PPFIA2: variants seen among roughly 807,000 people sequenced by gnomAD.
PPFIA2 encodes the protein PPFI scaffold protein A2, also known as liprin-alpha-2.
A neutral mutation model predicts 175.5 loss-of-function variants in PPFIA2; 46 were observed. The ratio of observed to expected loss-of-function variants is 0.26; its 90% CI spans 0.21 to 0.34. The LOEUF (loss-of-function observed/expected upper bound fraction) is 0.34. Among genes scored for constraint, PPFIA2 ranks in the 10% least tolerant of loss-of-function variants. The pLI, the probability that PPFIA2 is intolerant of heterozygous loss-of-function variation, is 1.00. For synonymous variants in PPFIA2, 568 were observed against 511.4 expected, an observed-to-expected ratio of 1.11 and a Z score of -1.49; for missense variants, 1,179 against 1,506.1, an observed-to-expected ratio of 0.78 and a Z score of 3.60.
intron 4 of PPFIA2, among the ~76,000 whole-genome samples, chr12:81,648,619 T>G (rs1418469538): frequency 6.6e-6 from 1 of 151,998 alleles, no homozygotes. Flanking sequence ...TGCAGGGTTT[T>G]TTCTTTTTTT....
chr12:81,613,283 G>A (rs928297262), intron 4 of PPFIA2, among the ~76,000 whole-genome samples: 11 of 152,016 alleles, frequency 7.2e-5, no homozygotes, highest in African/African-American at 2.4e-4. Flanking sequence ...TTAAAACCAT[G>A]ACTTTTATAA....
chr12:81,694,705 G>A (rs1489312427), intron 3 of PPFIA2, among the ~76,000 whole-genome samples: 2 of 152,292 alleles, frequency 1.3e-5, no homozygotes, highest in East Asian at 3.9e-4. Context: ...GTGAAGCTAT[G>A]AGAGAGAGGC....
chr12:81,300,995 A>G (rs1196431717), intron 22 of PPFIA2, among the ~76,000 whole-genome samples: 2 of 152,178 alleles, frequency 1.3e-5, no homozygotes, highest in African/African-American at 4.8e-5. Context: ...ATACAATATA[A>G]TACAATACAT....
chr12:81,611,559 C>T (rs113878305), intron 4 of PPFIA2, among the ~76,000 whole-genome samples: 2 of 152,090 alleles, frequency 1.3e-5, no homozygotes, highest in South Asian at 4.1e-4. Context: ...GTGGGGTGCA[C>T]CCACTCCTGC....
At chr12:81,560,755 G>T (rs532539297) in intron 4 of PPFIA2, among the ~76,000 whole-genome samples, 1 of 152,238 alleles carries the variant, frequency 6.6e-6, no homozygotes, top group African/African-American at 2.4e-5. Context: ...GAATCGCAGA[G>T]ATGTAAGTCT....
At chr12:81,342,901 T>C (rs1343174891) in intron 19 of PPFIA2, among the ~76,000 whole-genome samples, 2 of 151,628 alleles carry the variant, frequency 1.3e-5, no homozygotes, top group East Asian at 3.9e-4. Flanking sequence ...TGTATACATA[T>C]GTAACTAACC....
intron 22 of PPFIA2, among the ~76,000 whole-genome samples, chr12:81,321,473 C>T (rs914144166): frequency 6.6e-6 from 1 of 152,048 alleles, no homozygotes; most frequent in African/African-American, 2.4e-5. Flanking sequence ...GTTCTTGATT[C>T]TAAAGTAACA....
intron 6 of PPFIA2, among the ~76,000 whole-genome samples, chr12:81,441,468 G>A (rs2050162360): frequency 6.6e-6 from 1 of 151,954 alleles, no homozygotes; most frequent in Non-Finnish European, 1.5e-5. Flanking sequence ...AGTTGCACAG[G>A]ATCTTTCATC....
In PPFIA2 at chr12:81,353,140, T is replaced by A; in HGVS notation, c.1973A>T (p.Asp658Val). The change falls in exon 17 of 33, where the codon GAT becomes GTT. Residue 658 changes from aspartate to valine, a missense_variant. By Grantham distance (152) the Asp-to-Val change is radical (BLOSUM62 -3). This residue lies in a region of PPFIA2 where 11 missense variants were observed against 31.9 expected (regional missense o/e 0.35). Coordinates refer to ENST00000549396, the MANE Select transcript of PPFIA2 (RefSeq NM_003625.5). Reference protein sequence around the residue: ...TLAMMLQEQLDAINKEIRLIQ... With the variant: ...TLAMMLQEQLVAINKEIRLIQ... ...TTACCTGATTTCTTTGTTGATGGCA[T>A]CCAATTGTTCCTGAAGCATCATGGC... is the stretch of plus-strand genomic sequence containing the variant. 6.2e-7 allele frequency: 1 copy of A among 1,613,832 alleles called. No individual in the cohort carries two copies. The highest frequency in any genetic ancestry group is 8.5e-7 in the Non-Finnish European group (1 of 1,179,794).
intron 8 of PPFIA2, among the ~76,000 whole-genome samples, chr12:81,396,420 G>T (rs1178912417): frequency 1.3e-5 from 2 of 152,086 alleles, no homozygotes; most frequent in Non-Finnish European, 2.9e-5. Context: ...CTGGATGGAA[G>T]TGGGGAAGTT....
intron 3 of PPFIA2, among the ~76,000 whole-genome samples, chr12:81,684,526 A>G (rs1282755256): frequency 6.6e-6 from 1 of 152,164 alleles, no homozygotes; most frequent in Non-Finnish European, 1.5e-5. Context: ...ATTTTTACAT[A>G]TATAAAAAGC....
chr12:81,681,081 C>T (rs561082639), intron 3 of PPFIA2, among the ~76,000 whole-genome samples: 5 of 152,042 alleles, frequency 3.3e-5, no homozygotes, highest in Admixed American at 6.6e-5. Flanking sequence ...TTGGATTCAT[C>T]GTCTCCTTAT....
intron 16 of PPFIA2, among the ~76,000 whole-genome samples, chr12:81,353,878 C>A (rs1029433689): frequency 6.6e-6 from 1 of 152,110 alleles, no homozygotes; most frequent in Non-Finnish European, 1.5e-5. Flanking sequence ...AGGGTTAGTT[C>A]CAGCCCACCC....
intron 6 of PPFIA2, among the ~76,000 whole-genome samples, chr12:81,440,844 A>G (rs2050059303): frequency 6.7e-6 from 1 of 150,070 alleles, no homozygotes; most frequent in Admixed American, 6.6e-5. Context: ...AAAACAATTC[A>G]GAGAAAGAAA....
At chr12:81,318,873 C>T (rs1052199480) in intron 22 of PPFIA2, among the ~76,000 whole-genome samples, 1 of 151,672 alleles carries the variant, frequency 6.6e-6, no homozygotes, top group African/African-American at 2.4e-5. Context: ...CTTTGAAGAA[C>T]AGAACTACCT....
intron 4 of PPFIA2, among the ~76,000 whole-genome samples, chr12:81,544,635 T>C: frequency 6.6e-6 from 1 of 152,172 alleles, no homozygotes; most frequent in East Asian, 1.9e-4. Flanking sequence ...ACCACTATTC[T>C]TGAGATTCCA....
intron 4 of PPFIA2, among the ~76,000 whole-genome samples, chr12:81,543,254 T>C (rs748071756): frequency 3.3e-5 from 5 of 152,046 alleles, no homozygotes; most frequent in Non-Finnish European, 7.4e-5. Context: ...CTGGAACATT[T>C]TGTAGTGCCA....
intron 3 of PPFIA2, among the ~76,000 whole-genome samples, chr12:81,752,617 T>A (rs2083976503): frequency 6.6e-6 from 1 of 152,202 alleles, no homozygotes; most frequent in Non-Finnish European, 1.5e-5. Flanking sequence ...GGTTTACCTA[T>A]CAGGATGTGA....
intron 22 of PPFIA2, among the ~76,000 whole-genome samples, chr12:81,322,322 T>C (rs950487748): frequency 6.6e-6 from 1 of 152,080 alleles, no homozygotes; most frequent in South Asian, 2.1e-4. Context: ...TTTTGTTAAA[T>C]AAGAAGAGGT....
Sources: allele counts gnomAD v4.1 joint callset (sites outside exome capture counted in the v4.1 genomes callset), GRCh38; gene constraint gnomAD v4.1.1; regional missense constraint gnomAD v4.1.1; transcripts MANE v1.5; gene names NCBI Gene and HGNC (gene_info 2026-07-23, HGNC 2026-07-21).